The following SRC variants were observed in gnomAD, a reference collection of about 807,000 sequenced individuals.
The protein encoded by SRC is proto-oncogene tyrosine-protein kinase Src.
In SRC, 13 loss-of-function variants were observed where a neutral mutation model predicts 62.9. That is an observed-to-expected ratio of 0.21 (90% CI 0.13 to 0.33). The LOEUF (loss-of-function observed/expected upper bound fraction) is 0.33. SRC is among the 10% of genes least tolerant of loss of function. SRC has a pLI of 1.00. For synonymous variants in SRC, 302 were observed against 317.5 expected, an observed-to-expected ratio of 0.95 and a Z score of 0.52; for missense variants, 457 against 737.3, an observed-to-expected ratio of 0.62 and a Z score of 4.40.
intron 1 of SRC, among the ~76,000 whole-genome samples, chr20:37,353,573 T>C (rs1347889719): frequency 6.6e-6 from 1 of 151,706 alleles, no homozygotes; most frequent in Non-Finnish European, 1.5e-5. Context: ...CAGCACGGAG[T>C]TGAGCCCTTC....
At position 37,360,218 on chromosome 20, in the gene SRC, C is replaced by CTTTTTTTTTT. The variant is rs61476973; in HGVS notation, c.-246-4975_-246-4966dup. Among the ~76,000 whole-genome samples, 418 of 105,620 alleles carry CTTTTTTTTTT rather than the reference C, an allele frequency of 4.0e-3. 19 individuals carry two copies. The highest frequency in any genetic ancestry group is 0.015 in the Middle Eastern group (2 of 136). 69.3% of individuals were successfully genotyped at this position (105,620 alleles called of 152,430 possible). ...AATTTCTTTCTCTTTCTCTCTCTCT[C>CTTTTTTTTTT]TTTTTTTTTTTTTTTTTTTTGGTGA... is the stretch of plus-strand genomic sequence containing the variant. On this transcript the variant is annotated intron_variant, in intron 1 of 13. Coordinates refer to ENST00000373578, the MANE Select transcript of SRC (RefSeq NM_198291.3).
chr20:37,360,312 C>T (rs908358065), intron 1 of SRC, among the ~76,000 whole-genome samples: 2 of 148,742 alleles, frequency 1.3e-5, no homozygotes, highest in African/African-American at 5.0e-5. Flanking sequence ...CAGCCTCAAG[C>T]TCCTGGGCTT....
rs780665361 is a variant in SRC, at chr20:37,402,637, G to A, written c.1270+49G>A. 7.6e-6 allele frequency: 12 copies of A among 1,580,390 alleles called. No homozygotes were observed. The East Asian group carries it at 1.6e-4, about 21-fold the overall frequency. On this transcript the variant is annotated intron_variant, in intron 12 of 13. Transcript: ENST00000373578. The surrounding 1 kb of genome is among the most constrained non-coding windows in gnomAD (Gnocchi z 6.2). Reference sequence around the variant, plus strand: ...TCGCGCTTGGCCTGGGACAGGTCACGTCCCGCTCTGAGCCCCAGTTTTTTC... The same window carrying A: ...TCGCGCTTGGCCTGGGACAGGTCACATCCCGCTCTGAGCCCCAGTTTTTTC...
chr20:37,365,781 A>C (rs2070054587), intron 2 of SRC, among the ~76,000 whole-genome samples: 2 of 152,090 alleles, frequency 1.3e-5, no homozygotes, highest in African/African-American at 4.8e-5. Flanking sequence ...ACAGAGTCTC[A>C]CTATGTTGCC....
rs2147060578 is a variant in SRC, at chr20:37,386,189, C to A, written c.350+15C>A. ...GTCAACAACACGTGAGTGCCCCCTT[C>A]CCTATTGCCCCTCAGGGCTGGGTGG... is the stretch of plus-strand genomic sequence containing the variant. On this transcript the variant is annotated intron_variant, in intron 5 of 13. Transcript: ENST00000373578. The A allele has an allele frequency of 6.2e-7, 1 of 1,612,186 alleles. No individual in the cohort carries two copies. The highest frequency in any genetic ancestry group is 2.2e-5 in the East Asian group (1 of 44,868).
chr20:37,360,214 C>T (rs887424993), intron 1 of SRC, among the ~76,000 whole-genome samples: 1 of 117,744 alleles, frequency 8.5e-6, no homozygotes, highest in Non-Finnish European at 1.7e-5. Flanking sequence ...CTTTCTCTCT[C>T]TCTCTTTTTT....
rs916819319 is a variant in SRC, at chr20:37,394,216, A to G, written c.492A>G (p.Leu164=). ...TCACCAGACGGGAGTCAGAGCGGTT[A>G]CTGCTCAATGCAGAGAACCCGAGAG... ...GKITRRESER[L]LLNAENPRGT... Residue 164 remains leucine (L), a synonymous_variant, in exon 7 of 14, where the codon TTA becomes TTG. Transcript: ENST00000373578. 3 of 1,614,078 alleles carry G rather than the reference A, an allele frequency of 1.9e-6. No homozygotes were observed. Among genetic ancestry groups the G allele is most frequent in the Non-Finnish European group, 2.5e-6 (3 of 1,180,036 alleles).
intron 2 of SRC, among the ~76,000 whole-genome samples, chr20:37,373,133 T>TAC (rs2070197979): frequency 7.0e-6 from 1 of 142,614 alleles, no homozygotes; most frequent in South Asian, 2.1e-4. Flanking sequence ...TGTACATATA[T>TAC]ACACATATGT....
In SRC at chr20:37,398,584, G is replaced by A. The variant is rs773219342; in HGVS notation, c.859+730G>A. Among the ~76,000 whole-genome samples, 3 of 152,226 alleles carry A rather than the reference G, an allele frequency of 2.0e-5. No individual in the cohort carries two copies. The highest frequency in any genetic ancestry group is 6.5e-5 in the Admixed American group (1 of 15,288). On this transcript the variant is annotated intron_variant, in intron 9 of 13. Coordinates refer to ENST00000373578, the MANE Select transcript of SRC (RefSeq NM_198291.3). The surrounding 1 kb of genome is among the most constrained non-coding windows in gnomAD (Gnocchi z 5.2). The stretch of plus-strand genomic sequence containing the variant: ...GAGGGCTGATGGAGGAGAGCAGAGC[G>A]GCCTCCTGGGTGGAAGGCACTGCAG...
At position 37,402,820 on chromosome 20, in the gene SRC, G is replaced by C; in HGVS notation, c.1342G>C (p.Val448Leu). Reference protein sequence around the residue: ...LYGRFTIKSDVWSFGILLTEL... With the variant: ...LYGRFTIKSDLWSFGILLTEL... ...TGGCCGCTTCACCATCAAGTCGGAC[G>C]TGTGGTCCTTCGGGATCCTGCTGAC... The change falls in exon 13 of 14, where the codon GTG becomes CTG. Residue 448 changes from valine to leucine, a missense_variant. Val to Leu is a conservative substitution (Grantham distance 32, BLOSUM62 1). Coordinates refer to ENST00000373578, the MANE Select transcript of SRC (RefSeq NM_198291.3). The surrounding 1 kb of genome is among the most constrained non-coding windows in gnomAD (Gnocchi z 6.2). The C allele has an allele frequency of 1.2e-6, 2 of 1,614,084 alleles. No individual in the cohort carries two copies. The highest frequency in any genetic ancestry group is 1.7e-6 in the Non-Finnish European group (2 of 1,180,010).
chr20:37,402,304 T>C lies in SRC; in HGVS notation c.1117-131T>C. 1 of 1,116,050 alleles carries C rather than the reference T, an allele frequency of 9.0e-7. No homozygotes were observed. Among genetic ancestry groups the C allele is most frequent in the Non-Finnish European group, 1.3e-6 (1 of 781,682 alleles). The allele number at this position is 1,116,050 out of a possible 1,614,324, so 69.1% of individuals were successfully genotyped here. A position where few individuals can be genotyped will look rare whatever the true frequency, so the allele number is the denominator to read the frequency against. On this transcript the variant is annotated intron_variant, in intron 11 of 13. Transcript: ENST00000373578. The surrounding 1 kb of genome is among the most constrained non-coding windows in gnomAD (Gnocchi z 6.2). ...GATGCCAACAGCATTTACTGTGAAC[T>C]GACCTCACTTGCCTGAAGAAGTGTG...
In SRC at chr20:37,361,833, AT is replaced by A. The variant is rs2069976773; in HGVS notation, c.-246-3370del. 5.5e-5 allele frequency among the ~76,000 whole-genome samples: 2 copies of A among 36,084 alleles called. 1 individual carries two copies. The highest frequency in any genetic ancestry group is 7.0e-4 in the African/African-American group (2 of 2,872). The allele number at this position is 36,084 out of a possible 152,430, so 23.7% of individuals were successfully genotyped here. A position where few individuals can be genotyped will look rare whatever the true frequency, so the allele number is the denominator to read the frequency against. ...CCGGGGTCTCTGTGTGCAGGTAGAG[AT>A]GTAGAGATGCCGGGGTCTCTGTGTG... On this transcript the variant is annotated intron_variant, in intron 1 of 13. Coordinates refer to ENST00000373578, the MANE Select transcript of SRC (RefSeq NM_198291.3).
intron 2 of SRC, among the ~76,000 whole-genome samples, chr20:37,379,568 A>T (rs941790574): frequency 6.6e-6 from 1 of 151,856 alleles, no homozygotes; most frequent in African/African-American, 2.4e-5. Flanking sequence ...TACTAAAAAT[A>T]CCAGAATTAG....
intron 1 of SRC, among the ~76,000 whole-genome samples, chr20:37,353,500 AC>A (rs1302468686): frequency 1.3e-5 from 2 of 152,076 alleles, no homozygotes; most frequent in African/African-American, 4.8e-5. Context: ...CACGCCCGGG[AC>A]CCTGAAGGAG....
At chr20:37,349,076 G>A (rs978632674) in intron 1 of SRC, among the ~76,000 whole-genome samples, 6 of 152,146 alleles carry the variant, frequency 3.9e-5, no homozygotes, top group Admixed American at 6.5e-5. Context: ...GGCCTTCATT[G>A]TCACACAGGG....
At chr20:37,399,991 C>T in intron 9 of SRC, 124 bp from the exon 10 acceptor site, 1 of 904,686 alleles carries the variant, frequency 1.1e-6, no homozygotes, top group African/African-American at 1.7e-5. Context: ...CAGGCTTTGA[C>T]TGGGTTTGTC....
intron 5 of SRC, among the ~76,000 whole-genome samples, chr20:37,392,374 T>G (rs1488859137): frequency 6.6e-6 from 1 of 152,110 alleles, no homozygotes; most frequent in African/African-American, 2.4e-5. Context: ...CCATCTTCTA[T>G]ATGGGCTGAA....
rs539757407 is a variant in SRC at position 37,384,811 on chromosome 20, C to A, written c.250+408C>A. Among the ~76,000 whole-genome samples, 4 of 152,288 alleles carry A rather than the reference C, an allele frequency of 2.6e-5. No individual in the cohort carries two copies. Among genetic ancestry groups the A allele is most frequent in the Admixed American group, 2.6e-4 (4 of 15,310 alleles). On this transcript the variant is annotated intron_variant, in intron 4 of 13. Transcript: ENST00000373578. The surrounding 1 kb of genome is among the most constrained non-coding windows in gnomAD (Gnocchi z 6.7). ...CAGCTGGGTCGCTCGGGGAACGGGG[C>A]ACCGGATGGCCCCGGTTGGGCCCGC...
In SRC at chr20:37,396,598, G is replaced by A; in HGVS notation, c.703+287G>A. The A allele has an allele frequency of 2.1e-6, 1 of 481,740 alleles. No individual in the cohort carries two copies. The highest frequency in any genetic ancestry group is 2.5e-5 in the South Asian group (1 of 40,194). The allele number at this position is 481,740 out of a possible 1,614,324, so 29.8% of individuals were successfully genotyped here. Reference sequence around the variant, plus strand: ...GCAGCTGGCTGGTATGGAGGGGGCTGCCCTGAGGAGCCCCAGAGTAAGCTG... The same window carrying A: ...GCAGCTGGCTGGTATGGAGGGGGCTACCCTGAGGAGCCCCAGAGTAAGCTG... On this transcript the variant is annotated intron_variant, in intron 8 of 13. Transcript: ENST00000373578. This position sits in a 1 kb window ranked among gnomAD's most constrained non-coding sequence, Gnocchi z 6.1.
Sources: allele counts gnomAD v4.1 joint callset (sites outside exome capture counted in the v4.1 genomes callset), GRCh38; gene constraint gnomAD v4.1.1; non-coding constraint Gnocchi (gnomAD v3.1); transcripts MANE v1.5; gene names NCBI Gene and HGNC (gene_info 2026-07-23, HGNC 2026-07-21).